The following RBFOX1 variants were observed in gnomAD, a reference collection of about 807,000 sequenced individuals.
The protein encoded by RBFOX1 is RNA binding fox-1 homolog 1.
In RBFOX1, 8 loss-of-function variants were observed where a neutral mutation model predicts 57.7. The observed-to-expected ratio is 0.14, with a 90% confidence interval of 0.08 to 0.25. The LOEUF (loss-of-function observed/expected upper bound fraction) is 0.25. Ranked by LOEUF, RBFOX1 falls within the 10% of genes least tolerant of loss-of-function variation. The pLI is 1.00. For synonymous variants in RBFOX1, 326 were observed against 222.4 expected (o/e 1.47, Z -4.15); for missense variants, 611 against 548.5 (o/e 1.11, Z -1.14).
At chr16:6,450,846 T>TACAC (rs2094600186) in intron 2 of RBFOX1, among the ~76,000 whole-genome samples, 1 of 60,216 alleles carries the variant, frequency 1.7e-5, no homozygotes, top group African/African-American at 6.4e-5. Flanking sequence ...TGTGTATATA[T>TACAC]ATATATATAT....
At chr16:7,289,784 A>T (rs200948790) in intron 4 of RBFOX1, among the ~76,000 whole-genome samples, 1 of 152,208 alleles carries the variant, frequency 6.6e-6, no homozygotes, top group Admixed American at 6.5e-5. Flanking sequence ...GTCTTGTGAG[A>T]TAAAAATATT....
chr16:7,227,225 G>T (rs756816350), intron 4 of RBFOX1, among the ~76,000 whole-genome samples: 17 of 151,408 alleles, frequency 1.1e-4, no homozygotes, highest in Non-Finnish European at 2.1e-4. Flanking sequence ...TGCAAAACAT[G>T]CCATGTGCTC....
chr16:5,441,187 T>C (rs372609633), intron 1 of RBFOX1, among the ~76,000 whole-genome samples: 2 of 152,052 alleles, frequency 1.3e-5, no homozygotes, highest in South Asian at 4.1e-4. Flanking sequence ...AATTTCAGTG[T>C]CATATTTTTC....
chr16:5,840,042 C>G (rs1329864286), intron 3 of RBFOX1, among the ~76,000 whole-genome samples: 1 of 152,140 alleles, frequency 6.6e-6, no homozygotes, highest in African/African-American at 2.4e-5. Context: ...AAGTAGTGAC[C>G]AAGGCACTCA....
intron 14 of RBFOX1, among the ~76,000 whole-genome samples, chr16:7,693,143 C>T (rs994460305): frequency 6.6e-6 from 1 of 152,094 alleles, no homozygotes; most frequent in Admixed American, 6.6e-5. Flanking sequence ...GAGGTCCCCG[C>T]ATGCTTATTT....
At chr16:7,573,715 A>G (rs1251703351) in intron 5 of RBFOX1, among the ~76,000 whole-genome samples, 1 of 151,960 alleles carries the variant, frequency 6.6e-6, no homozygotes, top group Non-Finnish European at 1.5e-5. Context: ...ACACCTATAA[A>G]TCCCAGCTAC....
chr16:6,186,481 C>T (rs533548849), intron 1 of RBFOX1, among the ~76,000 whole-genome samples: 1 of 151,716 alleles, frequency 6.6e-6, no homozygotes, highest in Non-Finnish European at 1.5e-5. Context: ...GAGTAGACTG[C>T]AGAAACAGAT....
intron 2 of RBFOX1, among the ~76,000 whole-genome samples, chr16:6,429,468 G>A (rs536175291): frequency 4.3e-4 from 66 of 152,318 alleles, no homozygotes; most frequent in African/African-American, 1.6e-3. Flanking sequence ...CAGGTGCAAT[G>A]CAGATGATTC....
At chr16:6,360,047 G>A (rs1369771823) in intron 2 of RBFOX1, among the ~76,000 whole-genome samples, 1 of 152,102 alleles carries the variant, frequency 6.6e-6, no homozygotes, top group East Asian at 1.9e-4. Flanking sequence ...TATGCTGGTT[G>A]TGATTATGTG....
chr16:6,549,929 C>A (rs1458264956), intron 2 of RBFOX1, among the ~76,000 whole-genome samples: 1 of 152,156 alleles, frequency 6.6e-6, no homozygotes, highest in East Asian at 1.9e-4. Context: ...GCTCTGCTTA[C>A]CAGTTCACAG....
chr16:5,906,954 C>T (rs1388331400), intron 4 of RBFOX1, among the ~76,000 whole-genome samples: 1 of 151,876 alleles, frequency 6.6e-6, no homozygotes, highest in Non-Finnish European at 1.5e-5. Context: ...TCAGGCTGGT[C>T]TTGAACTCCT....
At chr16:7,693,386 T>A in intron 14 of RBFOX1, 2 of 1,593,638 alleles carry the variant, frequency 1.3e-6, no homozygotes, top group African/African-American at 1.3e-5. Context: ...CGTTGCTACT[T>A]CTTGATGCAT....
chr16:7,170,741 G>A (rs1478720), intron 4 of RBFOX1, among the ~76,000 whole-genome samples: 38,135 of 152,086 alleles, frequency 0.25, 5,478 homozygotes, highest in Non-Finnish European at 0.34. Context: ...ATACACCTTG[G>A]TTGAATGAAT....
At position 5,988,869 on chromosome 16, in the gene RBFOX1, G is replaced by T. The variant is rs77924563; in HGVS notation, c.351+121534G>T. ...AGTATGAAACACAGCTCTTTGGCAG[G>T]TAGGAAAGTATATGCAGTGCAATAT... On this transcript the variant is annotated intron_variant, in intron 4 of 19. Coordinates refer to the RBFOX1 transcript ENST00000641259. Among the ~76,000 whole-genome samples, 1,179 of 152,212 alleles carry T rather than the reference G, an allele frequency of 7.7e-3. 22 individuals are homozygous for T. The highest frequency in any genetic ancestry group is 0.027 in the African/African-American group (1,137 of 41,526).
intron 3 of RBFOX1, among the ~76,000 whole-genome samples, chr16:6,676,400 C>G (rs1018286895): frequency 3.9e-5 from 6 of 151,936 alleles, no homozygotes; most frequent in African/African-American, 1.2e-4. Context: ...GGTCCTAGCC[C>G]AAGGTCAACT....
chr16:7,490,094 ATCTT>A (rs2151495025), intron 4 of RBFOX1, among the ~76,000 whole-genome samples: 1 of 152,228 alleles, frequency 6.6e-6, no homozygotes, highest in East Asian at 1.9e-4. Flanking sequence ...TTTAGTGAAC[ATCTT>A]TGCCATGTGG....
chr16:6,694,372 C>T (rs2060706502), intron 3 of RBFOX1, among the ~76,000 whole-genome samples: 1 of 152,176 alleles, frequency 6.6e-6, no homozygotes, highest in African/African-American at 2.4e-5. Context: ...ATTATATCCA[C>T]AGTTCTCATC....
intron 2 of RBFOX1, among the ~76,000 whole-genome samples, chr16:6,648,852 T>G (rs1277187473): frequency 6.6e-6 from 1 of 152,184 alleles, no homozygotes; most frequent in African/African-American, 2.4e-5. Flanking sequence ...TGACAAAAGT[T>G]ATATATATTT....
intron 3 of RBFOX1, among the ~76,000 whole-genome samples, chr16:5,676,261 AAAAT>A (rs2050166870): frequency 6.6e-6 from 1 of 152,194 alleles, no homozygotes; most frequent in South Asian, 2.1e-4. Flanking sequence ...ATAAAAAAAA[AAAAT>A]AAAGGAAAAC....
Sources: allele counts gnomAD v4.1 joint callset (sites outside exome capture counted in the v4.1 genomes callset), GRCh38; gene constraint gnomAD v4.1.1; transcripts MANE v1.5; gene names NCBI Gene and HGNC (gene_info 2026-07-23, HGNC 2026-07-21).